KIRREL3: variants seen among roughly 807,000 people sequenced by gnomAD.
KIRREL3 encodes kirre like nephrin family adhesion molecule 3, also known as kin of IRRE-like protein 3.
Under a neutral mutation model 89.7 loss-of-function variants are expected in KIRREL3, and 36 were observed. The observed-to-expected ratio is 0.40, with a 90% CI of 0.31 to 0.53. The LOEUF is 0.53. KIRREL3 is among the 20% of genes least tolerant of loss of function. The probability of loss-of-function intolerance (pLI) is 0.49; values close to 1 mark genes in which losing one functional copy is unlikely to be tolerated. For synonymous variants in KIRREL3, 445 were observed against 441.4 expected, an observed-to-expected ratio of 1.01 and a Z score of -0.10; for missense variants, 864 against 1,056.6, an observed-to-expected ratio of 0.82 and a Z score of 2.53.
rs11220615 is a variant in KIRREL3, at chr11:126,802,431, T to C, written c.55+198024A>G. ...AATTAAAACATTGATGAGAAAAATA[T>C]ATCACTTTCCAGCTGGGTCCATAGT... On this transcript the variant is annotated intron_variant, in intron 1 of 16. Transcript: ENST00000525144. This position sits in a 1 kb window ranked among gnomAD's most constrained non-coding sequence, Gnocchi z 5.2. 0.23 allele frequency among the ~76,000 whole-genome samples: 34,362 copies of C among 152,154 alleles called. 4,524 individuals are homozygous for C. Among genetic ancestry groups the C allele is most frequent in the East Asian group, 0.46 (2,395 of 5,174 alleles).
chr11:126,974,731 G>A (rs1430791571), intron 1 of KIRREL3, among the ~76,000 whole-genome samples: 1 of 152,074 alleles, frequency 6.6e-6, no homozygotes, highest in African/African-American at 2.4e-5. Context: ...CAGTCTACAA[G>A]GTTTGGCTCT....
At position 126,489,320 on chromosome 11, in the gene KIRREL3, G is replaced by A. The variant is rs1055871022; in HGVS notation, c.434-15854C>T. ...TCTCCTGCCCCAGCTCAGCCTGCAC[G>A]GAGCAGGTGCTCAACAGATGAGCAC... On this transcript the variant is annotated intron_variant, in intron 4 of 16. Transcript: ENST00000525144. This position sits in a 1 kb window ranked among gnomAD's most constrained non-coding sequence, Gnocchi z 5.5. Among the ~76,000 whole-genome samples the A allele has an allele frequency of 4.6e-5, 7 of 152,178 alleles. No homozygotes were observed. Among genetic ancestry groups the A allele is most frequent in the African/African-American group, 1.4e-4 (6 of 41,452 alleles).
At position 126,527,161 on chromosome 11, in the gene KIRREL3, T is replaced by C. The variant is rs895647762; in HGVS notation, c.134-474A>G. 3.7e-4 allele frequency among the ~76,000 whole-genome samples: 57 copies of C among 152,214 alleles called. No individual in the cohort carries two copies. The highest frequency in any genetic ancestry group is 1.4e-3 in the African/African-American group (57 of 41,536). On this transcript the variant is annotated intron_variant, in intron 2 of 16. Transcript: ENST00000525144. The surrounding 1 kb of genome is among the most constrained non-coding windows in gnomAD (Gnocchi z 4.2). The stretch of plus-strand genomic sequence containing the variant: ...GTGCGGCTTTGGTTAAACCTGAGAA[T>C]TCAGGAAATCATTTTGTTGTTTCAG...
intron 11 of KIRREL3, among the ~76,000 whole-genome samples, chr11:126,438,130 A>C (rs1447393007): frequency 2.0e-5 from 3 of 152,194 alleles, no homozygotes; most frequent in African/African-American, 7.2e-5. Flanking sequence ...CTGCGCCTCC[A>C]CACAAATGCC....
rs7106922 is a variant in KIRREL3, at chr11:126,788,652, C to G, written c.55+211803G>C. Among the ~76,000 whole-genome samples, 1,356 of 152,282 alleles carry G rather than the reference C, an allele frequency of 8.9e-3. 13 individuals carry two copies. Among genetic ancestry groups the G allele is most frequent in the African/African-American group, 0.031 (1,292 of 41,544 alleles). ...CTTGGGTTAAAAGTCTGTTTAGCCT[C>G]ACCAGACCCATCATCACCAGTCCTC... On this transcript the variant is annotated intron_variant, in intron 1 of 16. Coordinates refer to ENST00000525144, the MANE Select transcript of KIRREL3 (RefSeq NM_032531.4). The surrounding 1 kb of genome is among the most constrained non-coding windows in gnomAD (Gnocchi z 4.1).
chr11:126,675,957 AG>A (rs1946170315), intron 1 of KIRREL3, among the ~76,000 whole-genome samples: 1 of 152,162 alleles, frequency 6.6e-6, no homozygotes, highest in Non-Finnish European at 1.5e-5. Context: ...ATAGAAGGAG[AG>A]GGAGGTGTTG....
At position 126,917,194 on chromosome 11, in the gene KIRREL3, C is replaced by T. The variant is rs1478779794; in HGVS notation, c.55+83261G>A. Reference sequence around the variant, plus strand: ...AAAATATTATGCTAAATCAAATGAACCAGACACAGAAGGATATATATTGTA... The same window carrying T: ...AAAATATTATGCTAAATCAAATGAATCAGACACAGAAGGATATATATTGTA... On this transcript the variant is annotated intron_variant, in intron 1 of 16. Transcript: ENST00000525144. This position sits in a 1 kb window ranked among gnomAD's most constrained non-coding sequence, Gnocchi z 5.0. Among the ~76,000 whole-genome samples the T allele has an allele frequency of 6.6e-6, 1 of 152,004 alleles. No homozygotes were observed. Among genetic ancestry groups the T allele is most frequent in the Non-Finnish European group, 1.5e-5 (1 of 68,000 alleles).
chr11:126,831,710 T>A (rs146391998), intron 1 of KIRREL3, among the ~76,000 whole-genome samples: 2 of 151,742 alleles, frequency 1.3e-5, no homozygotes, highest in African/African-American at 4.9e-5. Context: ...ATTTTCTAGT[T>A]TTTTTTTGAA....
At chr11:126,596,176 G>T (rs1816712118) in intron 1 of KIRREL3, among the ~76,000 whole-genome samples, 1 of 152,200 alleles carries the variant, frequency 6.6e-6, no homozygotes, top group South Asian at 2.1e-4. Context: ...CACCTGCCAT[G>T]AAGTCCCAGG....
chr11:126,575,654 G>A lies in KIRREL3; in HGVS notation c.56-12742C>T, dbSNP rs117804360. ...AATCCAGTTCTGTAGCTTGAATAGA[G>A]ACTGCTATGTTGTTGGAGTTAATAC... On this transcript the variant is annotated intron_variant, in intron 1 of 16. Coordinates refer to ENST00000525144, the MANE Select transcript of KIRREL3 (RefSeq NM_032531.4). This position sits in a 1 kb window ranked among gnomAD's most constrained non-coding sequence, Gnocchi z 7.0. 3.0e-3 allele frequency among the ~76,000 whole-genome samples: 464 copies of A among 152,282 alleles called. 2 individuals carry two copies. Among genetic ancestry groups the A allele is most frequent in the Non-Finnish European group, 4.7e-3 (322 of 68,024 alleles).
intron 16 of KIRREL3, 23 bp downstream of exon 16, chr11:126,425,615 T>G (rs375460978): frequency 2.6e-5 from 41 of 1,551,802 alleles, no homozygotes; most frequent in Non-Finnish European, 3.4e-5. Context: ...TGGCTGTGTC[T>G]TATAACCCGG....
intron 1 of KIRREL3, among the ~76,000 whole-genome samples, chr11:126,951,633 C>T (rs141903704): frequency 4.1e-4 from 63 of 152,350 alleles, no homozygotes; most frequent in African/African-American, 1.3e-3. Flanking sequence ...ATGAGAAATG[C>T]ATGCCTACTT....
rs1460408840 is a variant in KIRREL3 at position 126,905,849 on chromosome 11, AG to A, written c.55+94605del. ...GGGACATGACTCCCCAAAGCACTTC[AG>A]GGGTTCCTTTGTCCGCACCCAGCCA... On this transcript the variant is annotated intron_variant, in intron 1 of 16. Transcript: ENST00000525144. This position sits in a 1 kb window ranked among gnomAD's most constrained non-coding sequence, Gnocchi z 5.0. 1.3e-5 allele frequency among the ~76,000 whole-genome samples: 2 copies of A among 152,130 alleles called. No individual in the cohort carries two copies. Among genetic ancestry groups the A allele is most frequent in the Non-Finnish European group, 2.9e-5 (2 of 68,010 alleles).
chr11:126,921,969 ATCTATC>A (rs1947345062), intron 1 of KIRREL3, among the ~76,000 whole-genome samples: 1 of 109,488 alleles, frequency 9.1e-6, no homozygotes, highest in African/African-American at 3.6e-5. Context: ...ATCTATATCT[ATCTATC>A]TATCTATCTA....
chr11:126,921,512 T>C (rs1264849108), intron 1 of KIRREL3, among the ~76,000 whole-genome samples: 1 of 150,576 alleles, frequency 6.6e-6, no homozygotes, highest in Non-Finnish European at 1.5e-5. Context: ...CTATCTGTAA[T>C]CTATCTATCT....
At chr11:126,678,301 C>T (rs1042565179) in intron 1 of KIRREL3, among the ~76,000 whole-genome samples, 4 of 151,288 alleles carry the variant, frequency 2.6e-5, no homozygotes, top group South Asian at 2.1e-4. Context: ...AGTTGAAGGC[C>T]GAGATAAGAA....
rs1312655009 is a variant in KIRREL3, at chr11:126,808,071, G to C, written c.55+192384C>G. 6.6e-6 allele frequency among the ~76,000 whole-genome samples: 1 copy of C among 152,206 alleles called. No individual in the cohort carries two copies. Among genetic ancestry groups the C allele is most frequent in the African/African-American group, 2.4e-5 (1 of 41,450 alleles). On this transcript the variant is annotated intron_variant, in intron 1 of 16. Transcript: ENST00000525144. The surrounding 1 kb of genome is among the most constrained non-coding windows in gnomAD (Gnocchi z 4.1). ...GTGGATTAGGAGGAAGGTGAGCAAA[G>C]ATGTTGCACTGCAAGTGGTAGATGC...
intron 1 of KIRREL3, among the ~76,000 whole-genome samples, chr11:126,957,514 C>T (rs866161784): frequency 1.3e-5 from 2 of 152,188 alleles, no homozygotes; most frequent in Non-Finnish European, 2.9e-5. Context: ...TCCATCCTAC[C>T]TGATATTCAG....
In KIRREL3 at chr11:126,639,689, G is replaced by C. The variant is rs1223826874; in HGVS notation, c.56-76777C>G. ...TAATATTCTCCCTGGTGTTGATTTT[G>C]TTCAAATATATTGGGCCCATCAATC... On this transcript the variant is annotated intron_variant, in intron 1 of 16. Coordinates refer to ENST00000525144, the MANE Select transcript of KIRREL3 (RefSeq NM_032531.4). The surrounding 1 kb of genome is among the most constrained non-coding windows in gnomAD (Gnocchi z 4.3). Among the ~76,000 whole-genome samples, 2 of 152,158 alleles carry C rather than the reference G, an allele frequency of 1.3e-5. No individual in the cohort carries two copies. Among genetic ancestry groups the C allele is most frequent in the South Asian group, 4.2e-4 (2 of 4,814 alleles).
Sources: gnomAD v4.1 joint callset for allele counts (sites outside exome capture counted in the v4.1 genomes callset) on GRCh38, gnomAD v4.1.1 for gene constraint, Gnocchi (gnomAD v3.1) non-coding constraint, MANE v1.5 for transcripts, NCBI Gene and HGNC (gene_info 2026-07-23, HGNC 2026-07-21) for gene names.